Variants in CAMTA1 observed in about 807,000 individuals in gnomAD.
CAMTA1 encodes the protein calmodulin binding transcription activator 1.
CAMTA1 carries 27 observed loss-of-function variants against 170.9 expected under a neutral mutation model. That is an observed-to-expected ratio of 0.16 (90% CI 0.12 to 0.22). CAMTA1 has a LOEUF of 0.22. Among genes scored for constraint, CAMTA1 ranks in the 10% least tolerant of loss-of-function variants. The pLI is 1.00. For synonymous variants in CAMTA1, 833 were observed against 891.5 expected (o/e 0.93, Z 1.17); for missense variants, 1,619 against 2,217.2 (o/e 0.73, Z 5.42).
intron 4 of CAMTA1, among the ~76,000 whole-genome samples, chr1:7,155,473 C>G (rs922094874): frequency 1.3e-5 from 2 of 149,782 alleles, no homozygotes; most frequent in African/African-American, 4.9e-5. Context: ...AGGCCAATAT[C>G]TAGGCCTGAC....
At chr1:7,016,100 C>T (rs1371909587) in intron 3 of CAMTA1, among the ~76,000 whole-genome samples, 3 of 151,740 alleles carry the variant, frequency 2.0e-5, no homozygotes, top group Non-Finnish European at 4.4e-5. Context: ...CATGCAGCCA[C>T]ACCCTGCCCC....
rs1054871653 is a variant in CAMTA1, at chr1:7,293,935, G to A, written c.438+44309G>A. ...ATCCTTTTTCTGCTTCGTGCTAGCAGCCTCGCACTTCCCACCTGTTAAAGC... is the reference window on the plus strand; with the variant it reads ...ATCCTTTTTCTGCTTCGTGCTAGCAACCTCGCACTTCCCACCTGTTAAAGC... On this transcript the variant is annotated intron_variant, in intron 5 of 22. Transcript: ENST00000303635. The surrounding 1 kb of genome is among the most constrained non-coding windows in gnomAD (Gnocchi z 4.1). 2.0e-5 allele frequency among the ~76,000 whole-genome samples: 3 copies of A among 152,220 alleles called. No homozygotes were observed. In the East Asian group the frequency reaches 5.8e-4, roughly 29 times the overall value.
At chr1:7,123,710 G>A (rs1248081513) in intron 4 of CAMTA1, among the ~76,000 whole-genome samples, 1 of 152,116 alleles carries the variant, frequency 6.6e-6, no homozygotes, top group South Asian at 2.1e-4. Context: ...GGGGATGCCT[G>A]TTCTGGCCCT....
At chr1:7,000,323 CTT>C in intron 3 of CAMTA1, among the ~76,000 whole-genome samples, 1 of 152,352 alleles carries the variant, frequency 6.6e-6, no homozygotes, top group Non-Finnish European at 1.5e-5. Context: ...AGACTTTCCT[CTT>C]GTTTGGGGGC....
At chr1:6,932,648 C>T in intron 3 of CAMTA1, among the ~76,000 whole-genome samples, 1 of 152,196 alleles carries the variant, frequency 6.6e-6, no homozygotes, top group Non-Finnish European at 1.5e-5. Flanking sequence ...ACATCCGCGC[C>T]AACCCTTCCT....
rs894937438 is a variant in CAMTA1, at chr1:7,146,660, G to A, written c.302+55289G>A. On this transcript the variant is annotated intron_variant, in intron 4 of 22. Coordinates refer to ENST00000303635, the MANE Select transcript of CAMTA1 (RefSeq NM_015215.4). The surrounding 1 kb of genome is among the most constrained non-coding windows in gnomAD (Gnocchi z 4.3). ...GGGTCCTCACTGCTTCCCTGGGACCGGCTGTGTAGGGGTTGATGTGGGCAG... is the reference window on the plus strand; with the variant it reads ...GGGTCCTCACTGCTTCCCTGGGACCAGCTGTGTAGGGGTTGATGTGGGCAG... 1.3e-5 allele frequency among the ~76,000 whole-genome samples: 2 copies of A among 152,108 alleles called. No homozygotes were observed. Among genetic ancestry groups the A allele is most frequent in the East Asian group, 1.9e-4 (1 of 5,178 alleles).
chr1:6,805,618 A>C (rs1175285423), intron 1 of CAMTA1, among the ~76,000 whole-genome samples: 1 of 152,044 alleles, frequency 6.6e-6, no homozygotes, highest in East Asian at 1.9e-4. Flanking sequence ...CGGTCCTCCC[A>C]CCTTAGTCTC....
chr1:7,741,569 A>G (rs1353893679), intron 16 of CAMTA1, among the ~76,000 whole-genome samples: 1 of 151,950 alleles, frequency 6.6e-6, no homozygotes. Context: ...CTCAAAAAAA[A>G]AAAAATGTTA....
chr1:6,802,687 T>A (rs1362213445), intron 1 of CAMTA1, among the ~76,000 whole-genome samples: 2 of 152,018 alleles, frequency 1.3e-5, no homozygotes, highest in East Asian at 3.9e-4. Flanking sequence ...TGGAGTAAGT[T>A]AGTGGTAGGT....
At chr1:7,476,193 C>T (rs1032897156) in intron 6 of CAMTA1, among the ~76,000 whole-genome samples, 31 of 152,186 alleles carry the variant, frequency 2.0e-4, no homozygotes, top group South Asian at 2.1e-4. Flanking sequence ...TGAGCCAGCC[C>T]GCTGTACTCC....
chr1:7,570,765 T>A lies in CAMTA1; in HGVS notation c.511-69635T>A, dbSNP rs1170531993. Among the ~76,000 whole-genome samples the A allele has an allele frequency of 6.6e-6, 1 of 152,128 alleles. No individual in the cohort carries two copies. The highest frequency in any genetic ancestry group is 2.4e-5 in the African/African-American group (1 of 41,434). On this transcript the variant is annotated intron_variant, in intron 6 of 22. Coordinates refer to ENST00000303635, the MANE Select transcript of CAMTA1 (RefSeq NM_015215.4). This position sits in a 1 kb window ranked among gnomAD's most constrained non-coding sequence, Gnocchi z 4.3. Reference sequence around the variant, plus strand: ...TGAAGGGCCTCACCTCTGCTCTCCATCACCCCCCACCGCAGAGGGAAAATC... The same window carrying A: ...TGAAGGGCCTCACCTCTGCTCTCCAACACCCCCCACCGCAGAGGGAAAATC...
chr1:6,994,639 A>C (rs1696903784), intron 3 of CAMTA1, among the ~76,000 whole-genome samples: 1 of 150,938 alleles, frequency 6.6e-6, no homozygotes, highest in Non-Finnish European at 1.5e-5. Context: ...GTGCCTAGGT[A>C]TTATTTGTTT....
intron 7 of CAMTA1, among the ~76,000 whole-genome samples, chr1:7,646,893 G>C (rs113947914): frequency 2.0e-5 from 3 of 152,190 alleles, no homozygotes; most frequent in African/African-American, 4.8e-5. Context: ...CTAACACACT[G>C]GTCCTCACCT....
In CAMTA1 at chr1:7,641,008, AG is replaced by A. The variant is rs1558042266; in HGVS notation, c.664+457del. On this transcript the variant is annotated intron_variant, in intron 7 of 22. Transcript: ENST00000303635. This position sits in a 1 kb window ranked among gnomAD's most constrained non-coding sequence, Gnocchi z 4.5. ...GGACTCAGGGCCTGCCTCGGCTCCCAGGCTGGGTGGCAAATAGATGATGGTA... is the reference window on the plus strand; with the variant it reads ...GGACTCAGGGCCTGCCTCGGCTCCCAGCTGGGTGGCAAATAGATGATGGTA... 6.6e-6 allele frequency among the ~76,000 whole-genome samples: 1 copy of A among 152,172 alleles called. No homozygotes were observed. The highest frequency in any genetic ancestry group is 1.5e-5 in the Non-Finnish European group (1 of 68,040).
At chr1:7,483,574 A>G (rs1368791736) in intron 6 of CAMTA1, among the ~76,000 whole-genome samples, 1 of 152,202 alleles carries the variant, frequency 6.6e-6, no homozygotes, top group East Asian at 1.9e-4. Flanking sequence ...GAGATCAGCC[A>G]GGAACCAGAG....
rs2083130419 is a variant in CAMTA1 at position 7,333,021 on chromosome 1, GC to G, written c.438+83396del. ...AAGAAGTTGGCTTCCATGAGAGGGG[GC>G]AAGTGTGAAGCCCTTTATGGTCTGT... On this transcript the variant is annotated intron_variant, in intron 5 of 22. Coordinates refer to ENST00000303635, the MANE Select transcript of CAMTA1 (RefSeq NM_015215.4). The surrounding 1 kb of genome is among the most constrained non-coding windows in gnomAD (Gnocchi z 4.4). 6.6e-6 allele frequency among the ~76,000 whole-genome samples: 1 copy of G among 152,152 alleles called. No homozygotes were observed. Among genetic ancestry groups the G allele is most frequent in the South Asian group, 2.1e-4 (1 of 4,820 alleles).
chr1:7,156,548 C>T (rs924362540), intron 4 of CAMTA1, among the ~76,000 whole-genome samples: 3 of 152,196 alleles, frequency 2.0e-5, no homozygotes, highest in African/African-American at 7.2e-5. Flanking sequence ...TCTAGGGCTC[C>T]TACCTTGTTT....
rs114771247 is a variant in CAMTA1 at position 7,120,739 on chromosome 1, G to A, written c.302+29368G>A. Among the ~76,000 whole-genome samples the A allele has an allele frequency of 1.6e-3, 246 of 152,290 alleles. 1 individual carries two copies. Among genetic ancestry groups the A allele is most frequent in the Non-Finnish European group, 3.2e-3 (220 of 68,022 alleles). On this transcript the variant is annotated intron_variant, in intron 4 of 22. Coordinates refer to ENST00000303635, the MANE Select transcript of CAMTA1 (RefSeq NM_015215.4). ...TCAGGCCTTGCTGCCTCCCTTTGTG[G>A]AGTAGGAAAGACCCAACTGGATGAT...
chr1:7,614,071 G>A (rs1301439777), intron 6 of CAMTA1, among the ~76,000 whole-genome samples: 1 of 150,688 alleles, frequency 6.6e-6, no homozygotes. Flanking sequence ...AGGTAGGGGT[G>A]GGAGGAGAGG....
Sources: gnomAD v4.1 joint callset for allele counts (sites outside exome capture counted in the v4.1 genomes callset) on GRCh38, gnomAD v4.1.1 for gene constraint, Gnocchi (gnomAD v3.1) non-coding constraint, MANE v1.5 for transcripts, NCBI Gene and HGNC (gene_info 2026-07-23, HGNC 2026-07-21) for gene names.